Variants in RGS22 observed in about 807,000 individuals in gnomAD.
RGS22 encodes regulator of G-protein signaling 22.
In RGS22, 148 loss-of-function variants were observed where a neutral mutation model predicts 172.9. The observed-to-expected ratio is 0.86, with a 90% CI of 0.75 to 0.98. The LOEUF is 0.98. RGS22 is among the 50% of genes least tolerant of loss of function. The probability of loss-of-function intolerance (pLI) is 0.00; values close to 1 mark genes in which losing one functional copy is unlikely to be tolerated. For missense variants in RGS22, 1,347 were observed against 1,440.8 expected (o/e 0.93, Z 1.05); for synonymous variants, 458 against 480.2 (o/e 0.95, Z 0.60).
intron 23 of RGS22, among the ~76,000 whole-genome samples, chr8:99,975,069 A>G (rs1042739429): frequency 6.6e-6 from 1 of 151,874 alleles, no homozygotes; most frequent in African/African-American, 2.4e-5. Context: ...TCGCTTGATC[A>G]TGGGAGGTGG....
chr8:99,984,938 T>A (rs1384712449), intron 21 of RGS22, among the ~76,000 whole-genome samples: 2 of 152,200 alleles, frequency 1.3e-5, no homozygotes, highest in African/African-American at 4.8e-5. Flanking sequence ...GGCTAGAGAA[T>A]CTTCTACTAT....
chr8:100,096,784 C>T (rs1813011559), intron 2 of RGS22, among the ~76,000 whole-genome samples: 2 of 149,856 alleles, frequency 1.3e-5, no homozygotes, highest in African/African-American at 4.9e-5. Flanking sequence ...GCTGGGATTA[C>T]AAGCATGAGC....
intron 2 of RGS22, among the ~76,000 whole-genome samples, chr8:100,098,987 C>G (rs985178098): frequency 1.3e-5 from 2 of 151,518 alleles, no homozygotes; most frequent in Admixed American, 6.6e-5. Flanking sequence ...AAAATCTTGG[C>G]TCACTGCAAC....
At chr8:100,058,603 G>A (rs762991677) in intron 9 of RGS22, among the ~76,000 whole-genome samples, 15 of 152,044 alleles carry the variant, frequency 9.9e-5, no homozygotes, top group African/African-American at 2.2e-4. Flanking sequence ...AATATTTAAC[G>A]TGCTGAAGGA....
chr8:100,081,785 A>T (rs1811781515), intron 3 of RGS22, among the ~76,000 whole-genome samples: 1 of 152,162 alleles, frequency 6.6e-6, no homozygotes, highest in Non-Finnish European at 1.5e-5. Flanking sequence ...GTAGAGAATG[A>T]CATCAAATAT....
At chr8:100,049,794 T>C (rs1821089288) in intron 10 of RGS22, among the ~76,000 whole-genome samples, 1 of 152,142 alleles carries the variant, frequency 6.6e-6, no homozygotes, top group South Asian at 2.1e-4. Flanking sequence ...AAGCCTGTAA[T>C]CCCAGCACTT....
chr8:100,012,901 A>G (rs1401799267), intron 14 of RGS22, among the ~76,000 whole-genome samples: 2 of 152,062 alleles, frequency 1.3e-5, no homozygotes, highest in Non-Finnish European at 2.9e-5. Context: ...GATGTGCTAC[A>G]TATCAAATTC....
chr8:100,017,429 A>G (rs1447338981), intron 14 of RGS22, among the ~76,000 whole-genome samples: 1 of 152,158 alleles, frequency 6.6e-6, no homozygotes, highest in African/African-American at 2.4e-5. Flanking sequence ...GATGGTAGGG[A>G]CACAGGTGGT....
chr8:99,962,266 C>A, intron 27 of RGS22, 128 bp downstream of exon 27: 1 of 635,666 alleles, frequency 1.6e-6, no homozygotes, highest in Admixed American at 2.8e-5. Flanking sequence ...AGGCTCTCCT[C>A]CCCATCGACT....
chr8:99,982,149 T>C, intron 21 of RGS22, 33 bp from the exon 22 acceptor site: 1 of 1,504,472 alleles, frequency 6.6e-7, no homozygotes, highest in Non-Finnish European at 9.0e-7. Context: ...TGGTATATAA[T>C]TAATGCATTA....
chr8:100,042,007 G>A (rs1820188591), intron 11 of RGS22, 91 bp from the exon 12 acceptor site: 2 of 686,512 alleles, frequency 2.9e-6, no homozygotes, highest in South Asian at 1.7e-5. Flanking sequence ...ACATAGCACC[G>A]AATCTCAAGA....
intron 15 of RGS22, among the ~76,000 whole-genome samples, chr8:100,007,792 A>C (rs1815887863): frequency 6.6e-6 from 1 of 151,766 alleles, no homozygotes; most frequent in South Asian, 2.1e-4. Context: ...AAAAAGAAAA[A>C]AAAAATCAAG....
chr8:100,016,857 T>C (rs1434756425), intron 14 of RGS22, among the ~76,000 whole-genome samples: 2 of 151,732 alleles, frequency 1.3e-5, no homozygotes, highest in Non-Finnish European at 2.9e-5. Flanking sequence ...ATGGCACATG[T>C]ATACATATGT....
intron 3 of RGS22, among the ~76,000 whole-genome samples, chr8:100,083,830 C>CTTTTTTTTTT (rs59603032): frequency 3.2e-5 from 4 of 126,038 alleles, no homozygotes; most frequent in African/African-American, 6.2e-5. Flanking sequence ...AATTTCTTTT[C>CTTTTTTTTTT]TTTTTTTTTT....
chr8:100,056,246 G>C (rs1411045617), intron 9 of RGS22, among the ~76,000 whole-genome samples: 1 of 152,070 alleles, frequency 6.6e-6, no homozygotes, highest in Non-Finnish European at 1.5e-5. Flanking sequence ...AGGGTATCCG[G>C]GGGAAAAAGT....
intron 2 of RGS22, 48 bp downstream of exon 2, chr8:100,105,325 AT>A (rs747940063): frequency 4.9e-6 from 7 of 1,428,022 alleles, no homozygotes; most frequent in African/African-American, 1.4e-5. Context: ...AATATTTGCT[AT>A]TTTTTTAAAG....
Position 100,072,244 on chromosome 8 carries a change from GAGAAAA to G in RGS22, c.340-20_340-15del, listed in dbSNP as rs376588480. On this transcript the variant is annotated splice_polypyrimidine_tract_variant and intron_variant, in intron 4 of 27. Coordinates refer to ENST00000360863, the MANE Select transcript of RGS22 (RefSeq NM_015668.5). ...ACGACTGAGACACTATGAGAAGAAA[GAGAAAA>G]AGAAAAAGAAGGTCAGAGAAAATCA... The G allele has an allele frequency of 6.3e-4, 956 of 1,523,386 alleles. 8 individuals are homozygous for G. In the African/African-American group the frequency reaches 0.012, roughly 19 times the overall value. 94.4% of individuals were successfully genotyped at this position (1,523,386 alleles called of 1,614,324 possible).
intron 4 of RGS22, among the ~76,000 whole-genome samples, 196 bp from the exon 5 acceptor site, chr8:100,072,426 A>G (rs574771799): frequency 6.6e-6 from 1 of 152,092 alleles, no homozygotes; most frequent in South Asian, 2.1e-4. Flanking sequence ...TACGTTTTTA[A>G]TTCTCTTAAC....
rs115707813 is a variant in RGS22 at position 100,031,377 on chromosome 8, C to A, written c.2166+7554G>T. On this transcript the variant is annotated intron_variant, in intron 14 of 27. Transcript: ENST00000360863. ...AATCCAATAAGACAAAAATCTCACACTGCTGCAAGAATTTCTTTATATTAA... is the reference window on the plus strand; with the variant it reads ...AATCCAATAAGACAAAAATCTCACAATGCTGCAAGAATTTCTTTATATTAA... Among the ~76,000 whole-genome samples the A allele has an allele frequency of 7.8e-3, 1,185 of 152,216 alleles. 22 individuals are homozygous for A. The highest frequency in any genetic ancestry group is 0.027 in the African/African-American group (1,137 of 41,530).
Sources: allele counts gnomAD v4.1 joint callset (sites outside exome capture counted in the v4.1 genomes callset), GRCh38; gene constraint gnomAD v4.1.1; transcripts MANE v1.5; gene names NCBI Gene and HGNC (gene_info 2026-07-23, HGNC 2026-07-21).